The following RPN2 variants were observed in gnomAD, a reference collection of about 807,000 sequenced individuals.
RPN2 encodes the protein ribophorin II, also known as dolichyl-diphosphooligosaccharide--protein glycosyltransferase subunit 2.
RPN2 carries 29 observed loss-of-function variants against 71.4 expected under a neutral mutation model. The observed-to-expected ratio is 0.41, with a 90% CI of 0.30 to 0.55. The LOEUF (loss-of-function observed/expected upper bound fraction) is 0.55, where lower values mean the gene tolerates loss of function less well. Ranked by LOEUF, RPN2 falls within the 20% of genes least tolerant of loss-of-function variation. The pLI is 0.35. For synonymous variants in RPN2, 308 were observed against 305.0 expected (o/e 1.01, Z -0.10); for missense variants, 726 against 774.1 (o/e 0.94, Z 0.74).
At chr20:37,221,362 A>AT (rs2067953117) in intron 9 of RPN2, among the ~76,000 whole-genome samples, 1 of 151,714 alleles carries the variant, frequency 6.6e-6, no homozygotes, top group African/African-American at 2.4e-5. Context: ...TGTCTGGCTA[A>AT]TTTTTTTGTA....
chr20:37,234,328 A>G lies in RPN2; in HGVS notation c.1753+233A>G, dbSNP rs142096378. On this transcript the variant is annotated intron_variant, in intron 15 of 16. Transcript: ENST00000237530. ...TTTGTTGTACTGTGCCACTGTTGGC[A>G]GACCATTTACCCTCAGTTAATAACC... Among the ~76,000 whole-genome samples the G allele has an allele frequency of 2.0e-5, 3 of 152,392 alleles. No individual in the cohort carries two copies. In the East Asian group the frequency reaches 5.8e-4, roughly 29 times the overall value.
intron 4 of RPN2, among the ~76,000 whole-genome samples, chr20:37,199,923 C>T (rs921212825): frequency 6.6e-6 from 1 of 152,026 alleles, no homozygotes; most frequent in African/African-American, 2.4e-5. Context: ...GCCTTGAACT[C>T]TGGGCTCAAG....
Position 37,235,303 on chromosome 20 carries a change from A to G in RPN2, c.1753+1208A>G, listed in dbSNP as rs78833632. On this transcript the variant is annotated intron_variant, in intron 15 of 16. Coordinates refer to ENST00000237530, the MANE Select transcript of RPN2 (RefSeq NM_002951.5). The stretch of plus-strand genomic sequence containing the variant: ...GTCAGACCGAGAAGAAAACCTGAAT[A>G]TAAATCTGTTGAGAGCCGTGGCTTT... Among the ~76,000 whole-genome samples, 1,299 of 152,292 alleles carry G rather than the reference A, an allele frequency of 8.5e-3. 21 individuals are homozygous for G. The highest frequency in any genetic ancestry group is 0.029 in the African/African-American group (1,196 of 41,550).
At position 37,203,910 on chromosome 20, in the gene RPN2, TCCCAC is replaced by T; in HGVS notation, c.507_511del (p.His170ValfsTer5). On this transcript the variant is annotated frameshift_variant, in exon 5 of 17. Transcript: ENST00000237530. LOFTEE classifies it high-confidence loss of function. ...AACAGTCCAGGCTCTGCAGACAGCATCCCACCTGTCCCAGCAGGCTGACCTGAGGA... is the reference window on the plus strand; with the variant it reads ...AACAGTCCAGGCTCTGCAGACAGCATCTGTCCCAGCAGGCTGACCTGAGGA... The T allele has an allele frequency of 6.2e-7, 1 of 1,614,072 alleles. No individual in the cohort carries two copies. Among genetic ancestry groups the T allele is most frequent in the Non-Finnish European group, 8.5e-7 (1 of 1,179,926 alleles).
chr20:37,221,689 T>C (rs2067962563), intron 9 of RPN2, among the ~76,000 whole-genome samples: 1 of 152,236 alleles, frequency 6.6e-6, no homozygotes, highest in Admixed American at 6.5e-5. Context: ...TTGATGAAGA[T>C]TGCAGAGTAG....
chr20:37,180,663 C>G (rs2066840836), intron 1 of RPN2, among the ~76,000 whole-genome samples: 1 of 152,196 alleles, frequency 6.6e-6, no homozygotes, highest in Non-Finnish European at 1.5e-5. Flanking sequence ...ACTCCGCTCT[C>G]TCTTAGGTCT....
At chr20:37,218,120 A>T (rs1219410068) in intron 9 of RPN2, among the ~76,000 whole-genome samples, 1 of 152,204 alleles carries the variant, frequency 6.6e-6, no homozygotes, top group African/African-American at 2.4e-5. Context: ...AATTAAAAGT[A>T]TGTAATTCAG....
chr20:37,180,229 T>G (rs1420618944), intron 1 of RPN2, among the ~76,000 whole-genome samples: 1 of 152,230 alleles, frequency 6.6e-6, no homozygotes. Context: ...GCTCACCGTT[T>G]CATTATTTGA....
In RPN2 at chr20:37,239,788, C is replaced by T. The variant is rs371089174; in HGVS notation, c.1884-1515C>T. 2.0e-4 allele frequency among the ~76,000 whole-genome samples: 30 copies of T among 152,342 alleles called. 2 individuals are homozygous for T. In the South Asian group the frequency reaches 4.6e-3, roughly 23 times the overall value. ...TTAGAGTCCGACCCTTCTCCCACCC[C>T]CACTCCCTGGCTATGCCCGTTTGGT... On this transcript the variant is annotated intron_variant, in intron 16 of 16. Coordinates refer to ENST00000237530, the MANE Select transcript of RPN2 (RefSeq NM_002951.5).
chr20:37,232,503 C>G, intron 14 of RPN2, 112 bp downstream of exon 14: 2 of 1,305,672 alleles, frequency 1.5e-6, no homozygotes, highest in South Asian at 2.4e-5. Context: ...CAGAGGGGTC[C>G]AGCAGCTGTG....
chr20:37,218,556 A>AC (rs2067874482), intron 9 of RPN2, among the ~76,000 whole-genome samples: 3 of 148,962 alleles, frequency 2.0e-5, no homozygotes, highest in African/African-American at 7.7e-5. Context: ...AAAAAAAAAA[A>AC]CAAAAAAAAC....
rs1229615136 is a variant in RPN2 at position 37,184,267 on chromosome 20, T to C, written c.101T>C (p.Val34Ala). The change falls in exon 2 of 17, where the codon GTG becomes GCG. Residue 34 changes from valine to alanine, a missense_variant. Transcript: ENST00000237530. ...ACTCACTACCTCACCAAGCATGACG[T>C]GGAGAGACTAAAAGCCTCGCTGGAT... The part of the protein sequence containing the change: ...TPTHYLTKHD[V>A]ERLKASLDRP... The C allele has an allele frequency of 1.2e-6, 2 of 1,614,200 alleles. No homozygotes were observed. The highest frequency in any genetic ancestry group is 2.2e-5 in the East Asian group (1 of 44,868).
intron 9 of RPN2, among the ~76,000 whole-genome samples, chr20:37,223,175 A>G (rs764682481): frequency 1.3e-5 from 2 of 152,248 alleles, no homozygotes; most frequent in Non-Finnish European, 1.5e-5. Flanking sequence ...TTCATTGGCC[A>G]GAGCAAATCA....
Position 37,234,038 on chromosome 20 carries a change from A to G in RPN2, c.1696A>G (p.Asn566Asp). The G allele has an allele frequency of 6.2e-7, 1 of 1,614,204 alleles. No homozygotes were observed. Among genetic ancestry groups the G allele is most frequent in the South Asian group, 1.1e-5 (1 of 91,080 alleles). ...LFALWIRIGA[N>D]VSNFTFAPST... The stretch of plus-strand genomic sequence containing the variant: ...CATTCAGTGGATCCGGATTGGTGCC[A>G]ATGTCTCCAACTTCACTTTTGCTCC... The change falls in exon 15 of 17, where the codon AAT (asparagine) becomes GAT (aspartate). Residue 566 changes from asparagine (N) to aspartate (D), a missense_variant. Coordinates refer to ENST00000237530, the MANE Select transcript of RPN2 (RefSeq NM_002951.5).
At chr20:37,224,981 A>G (rs1199215996) in intron 10 of RPN2, among the ~76,000 whole-genome samples, 1 of 152,200 alleles carries the variant, frequency 6.6e-6, no homozygotes, top group Non-Finnish European at 1.5e-5. Context: ...CTAGATGAAG[A>G]GTTGGTCTTA....
rs1257010032 is a variant in RPN2 at position 37,179,592 on chromosome 20, G to A, written c.13+223G>A. 3 of 1,200,224 alleles carry A rather than the reference G, an allele frequency of 2.5e-6. No individual in the cohort carries two copies. The East Asian group carries it at 8.7e-5, about 35-fold the overall frequency. 74.3% of individuals were successfully genotyped at this position (1,200,224 alleles called of 1,614,324 possible). On this transcript the variant is annotated intron_variant, in intron 1 of 16. Transcript: ENST00000237530. The stretch of plus-strand genomic sequence containing the variant: ...TTGGTGCCTGGGGGAGGGGTGCAGC[G>A]CGGAGCTACGGGTCGCCCCGAGGCT...
chr20:37,225,253 G>A (rs148555146), intron 10 of RPN2, among the ~76,000 whole-genome samples: 1 of 152,098 alleles, frequency 6.6e-6, no homozygotes, highest in Non-Finnish European at 1.5e-5. Flanking sequence ...TCTTTCTTTT[G>A]TGTCTCCTAC....
chr20:37,234,161 C>CCTGTTAAGT, intron 15 of RPN2, 66 bp downstream of exon 15: 2 of 1,503,236 alleles, frequency 1.3e-6, no homozygotes, highest in Middle Eastern at 3.4e-4. Flanking sequence ...ACGCAAAAGC[C>CCTGTTAAGT]CTGTTAAGTA....
intron 6 of RPN2, among the ~76,000 whole-genome samples, chr20:37,206,304 T>G (rs1051081049): frequency 1.5e-4 from 23 of 152,290 alleles, no homozygotes; most frequent in African/African-American, 5.5e-4. Flanking sequence ...AGCTATAAAG[T>G]TTGGTCTTAT....
Sources: allele counts gnomAD v4.1 joint callset (sites outside exome capture counted in the v4.1 genomes callset), GRCh38; gene constraint gnomAD v4.1.1; transcripts MANE v1.5; gene names NCBI Gene and HGNC (gene_info 2026-07-23, HGNC 2026-07-21).